The following CCSER1 variants were observed in gnomAD, a reference collection of about 807,000 sequenced individuals.
The protein encoded by CCSER1 is serine-rich coiled-coil domain-containing protein 1.
In CCSER1, 41 loss-of-function variants were observed where a neutral mutation model predicts 82.0. That is an observed-to-expected ratio of 0.50 (90% confidence interval 0.39 to 0.65). CCSER1 has a LOEUF of 0.65. Among genes scored for constraint, CCSER1 ranks in the 30% least tolerant of loss-of-function variants. CCSER1 has a pLI of 0.00. For synonymous variants in CCSER1, 414 were observed against 383.9 expected, an observed-to-expected ratio of 1.08 and a Z score of -0.92; for missense variants, 1,119 against 1,064.2, an observed-to-expected ratio of 1.05 and a Z score of -0.72.
intron 10 of CCSER1, among the ~76,000 whole-genome samples, chr4:91,163,314 G>A (rs1332137447): frequency 1.3e-5 from 2 of 152,188 alleles, no homozygotes; most frequent in African/African-American, 2.4e-5. Context: ...TGTGATGTCT[G>A]TTCTTTTACA....
At chr4:91,155,781 G>A (rs1730754917) in intron 10 of CCSER1, among the ~76,000 whole-genome samples, 1 of 151,882 alleles carries the variant, frequency 6.6e-6, no homozygotes. Flanking sequence ...GAAGGGGATG[G>A]AGAAACAGTA....
At chr4:91,159,758 C>A (rs913529889) in intron 10 of CCSER1, among the ~76,000 whole-genome samples, 4 of 151,794 alleles carry the variant, frequency 2.6e-5, no homozygotes, top group Non-Finnish European at 5.9e-5. Flanking sequence ...TCAAATGCAA[C>A]TGAGAAAATT....
chr4:90,702,933 T>G (rs1041278120), intron 6 of CCSER1, among the ~76,000 whole-genome samples: 1 of 152,196 alleles, frequency 6.6e-6, no homozygotes, highest in Non-Finnish European at 1.5e-5. Flanking sequence ...GCTCCTGGAT[T>G]CATTAATTTT....
At chr4:91,409,486 G>A (rs1752899522) in intron 10 of CCSER1, among the ~76,000 whole-genome samples, 1 of 151,938 alleles carries the variant, frequency 6.6e-6, no homozygotes, top group South Asian at 2.1e-4. Context: ...AGCCAACAAA[G>A]TTTCCTTCCC....
chr4:91,429,811 T>C (rs1027595914), intron 10 of CCSER1, among the ~76,000 whole-genome samples: 2 of 151,920 alleles, frequency 1.3e-5, no homozygotes, highest in Non-Finnish European at 2.9e-5. Context: ...CTATTGTCTA[T>C]AATCTCAGTT....
At chr4:91,252,937 A>T (rs1286782691) in intron 10 of CCSER1, among the ~76,000 whole-genome samples, 2 of 152,152 alleles carry the variant, frequency 1.3e-5, no homozygotes, top group African/African-American at 4.8e-5. Flanking sequence ...GACATAAAGA[A>T]ATACCTCCTT....
chr4:90,396,978 T>C (rs1472791704), intron 3 of CCSER1, among the ~76,000 whole-genome samples: 1 of 149,398 alleles, frequency 6.7e-6, no homozygotes, highest in Non-Finnish European at 1.5e-5. Flanking sequence ...GTTGCTGCTA[T>C]TGGTGTCTTT....
chr4:91,053,866 G>A (rs1051126249), intron 9 of CCSER1, among the ~76,000 whole-genome samples: 10 of 152,232 alleles, frequency 6.6e-5, no homozygotes, highest in Non-Finnish European at 1.3e-4. Context: ...ATACTGTAAT[G>A]TCTTGCTCAT....
chr4:91,394,446 G>A (rs1751843519), intron 10 of CCSER1, among the ~76,000 whole-genome samples: 1 of 151,888 alleles, frequency 6.6e-6, no homozygotes, highest in South Asian at 2.1e-4. Context: ...GAAAATTTAA[G>A]ATGGCTCTGT....
chr4:90,189,103 G>C (rs980312592), intron 1 of CCSER1, among the ~76,000 whole-genome samples: 1 of 151,948 alleles, frequency 6.6e-6, no homozygotes, highest in Non-Finnish European at 1.5e-5. Flanking sequence ...TTTATGTACA[G>C]GTCTGTATTT....
intron 7 of CCSER1, among the ~76,000 whole-genome samples, chr4:90,734,857 T>C (rs1745394636): frequency 6.6e-6 from 1 of 152,204 alleles, no homozygotes. Flanking sequence ...TCCAGCACTA[T>C]ATTGAATAAC....
chr4:90,382,886 G>A (rs1489088937), intron 3 of CCSER1, among the ~76,000 whole-genome samples: 2 of 151,960 alleles, frequency 1.3e-5, no homozygotes, highest in African/African-American at 2.4e-5. Context: ...TTATTGCTGA[G>A]TATTAAATTG....
chr4:91,270,609 T>A (rs1741949153), intron 10 of CCSER1, among the ~76,000 whole-genome samples: 1 of 152,170 alleles, frequency 6.6e-6, no homozygotes, highest in Non-Finnish European at 1.5e-5. Context: ...CAGTCTCTAA[T>A]TGGCTCAGTC....
At chr4:91,565,574 T>C (rs1488319413) in intron 10 of CCSER1, among the ~76,000 whole-genome samples, 8 of 152,170 alleles carry the variant, frequency 5.3e-5, no homozygotes, top group Admixed American at 3.9e-4. Context: ...CTCTGATTTC[T>C]GTGAGCAGTT....
At chr4:90,140,471 A>C (rs1724530905) in intron 1 of CCSER1, among the ~76,000 whole-genome samples, 1 of 152,146 alleles carries the variant, frequency 6.6e-6, no homozygotes, top group Non-Finnish European at 1.5e-5. Flanking sequence ...TTCAGTTCAC[A>C]CTCACATCAA....
chr4:90,171,381 A>C (rs1452429463), intron 1 of CCSER1, among the ~76,000 whole-genome samples: 1 of 151,858 alleles, frequency 6.6e-6, no homozygotes, highest in Non-Finnish European at 1.5e-5. Flanking sequence ...ATGAAAACAG[A>C]ATAAATATTT....
chr4:91,377,256 T>A (rs192779352), intron 10 of CCSER1, among the ~76,000 whole-genome samples: 44 of 152,302 alleles, frequency 2.9e-4, no homozygotes, highest in Non-Finnish European at 4.4e-4. Context: ...ATCCTTTGGG[T>A]ATATACCCAG....
chr4:90,949,112 T>C (rs776835950), intron 9 of CCSER1, among the ~76,000 whole-genome samples: 6 of 152,142 alleles, frequency 3.9e-5, no homozygotes, highest in Non-Finnish European at 7.4e-5. Context: ...GATGCTAACA[T>C]ATTTAGTACC....
intron 1 of CCSER1, among the ~76,000 whole-genome samples, chr4:90,286,094 T>C (rs1468368104): frequency 6.6e-6 from 1 of 152,076 alleles, no homozygotes; most frequent in African/African-American, 2.4e-5. Context: ...GCCTGCATTT[T>C]TCTTTTTTTG....
Sources: gnomAD v4.1 joint callset for allele counts (sites outside exome capture counted in the v4.1 genomes callset) on GRCh38, gnomAD v4.1.1 for gene constraint, MANE v1.5 for transcripts, NCBI Gene and HGNC (gene_info 2026-07-23, HGNC 2026-07-21) for gene names.